The following DENND6A variants were observed in gnomAD, a reference collection of about 807,000 sequenced individuals.
DENND6A encodes the protein protein DENND6A.
In DENND6A, 43 loss-of-function variants were observed where a neutral mutation model predicts 95.5. The observed-to-expected ratio is 0.45, with a 90% CI of 0.35 to 0.58. The LOEUF is 0.58. DENND6A is among the 20% of genes least tolerant of loss of function. DENND6A has a pLI of 0.00. For synonymous variants in DENND6A, 257 were observed against 260.4 expected, an observed-to-expected ratio of 0.99 and a Z score of 0.13; for missense variants, 574 against 736.0, an observed-to-expected ratio of 0.78 and a Z score of 2.55.
chr3:57,644,856 A>G (rs2071043439), intron 11 of DENND6A, among the ~76,000 whole-genome samples: 1 of 144,350 alleles, frequency 6.9e-6, no homozygotes. Context: ...CAGGGCAATG[A>G]TATGCCCACT....
intron 1 of DENND6A, among the ~76,000 whole-genome samples, chr3:57,691,426 T>C (rs191589872): frequency 1.0e-3 from 158 of 152,320 alleles, no homozygotes; most frequent in African/African-American, 3.7e-3. Flanking sequence ...GGTTCTCCTC[T>C]AAATTATTGC....
intron 1 of DENND6A, among the ~76,000 whole-genome samples, chr3:57,691,843 G>A (rs1472194879): frequency 6.6e-6 from 1 of 152,104 alleles, no homozygotes; most frequent in East Asian, 1.9e-4. Flanking sequence ...ACATAAGAAT[G>A]GAAAAGTTGA....
In DENND6A at chr3:57,666,938, A is replaced by G. The variant is rs987642697; in HGVS notation, c.320-703T>C. On this transcript the variant is annotated intron_variant, in intron 3 of 19. Transcript: ENST00000311128. ...AAGATATAAAAGTTATGCTATGAGC[A>G]CCATAGCTTTCTGATGATTCACTGA... Among the ~76,000 whole-genome samples the G allele has an allele frequency of 1.8e-4, 28 of 152,398 alleles. No individual in the cohort carries two copies. The East Asian group carries it at 4.4e-3, about 24-fold the overall frequency.
At chr3:57,650,244 C>T (rs1372480152) in intron 9 of DENND6A, among the ~76,000 whole-genome samples, 2 of 151,670 alleles carry the variant, frequency 1.3e-5, no homozygotes, top group East Asian at 3.9e-4. Context: ...CACTAAAGAA[C>T]TTATTCATGC....
In DENND6A at chr3:57,692,870, C is replaced by G. The variant is rs754202945; in HGVS notation, c.149G>C (p.Arg50Pro). The change falls in exon 1 of 20, where the codon CGG becomes CCG. Residue 50 changes from arginine (R) to proline (P), a missense_variant. Arg to Pro is a moderately radical substitution (Grantham distance 103, BLOSUM62 -2). This residue lies in a region of DENND6A where 122 missense variants were observed against 105.1 expected (regional missense o/e 1.16). Transcript: ENST00000311128. ...EDDEEDDGRG[R>P]GLLRWDSFSA... ...GAAGCTGTCCCAGCGCAGCAGGCCCCGGCCACGGCCATCGTCCTCTTCATC... is the reference window on the plus strand; with the variant it reads ...GAAGCTGTCCCAGCGCAGCAGGCCCGGGCCACGGCCATCGTCCTCTTCATC... 7 of 1,585,050 alleles carry G rather than the reference C, an allele frequency of 4.4e-6. No homozygotes were observed. Among genetic ancestry groups the G allele is most frequent in the East Asian group, 2.4e-5 (1 of 41,988 alleles).
intron 1 of DENND6A, among the ~76,000 whole-genome samples, chr3:57,674,372 C>CAA (rs113228295): frequency 7.9e-6 from 1 of 127,046 alleles, no homozygotes. Flanking sequence ...GACCCCGTCT[C>CAA]AAAAAAAAAA....
chr3:57,661,931 T>C (rs988562420), intron 5 of DENND6A, among the ~76,000 whole-genome samples: 2 of 152,100 alleles, frequency 1.3e-5, no homozygotes, highest in South Asian at 4.1e-4. Context: ...AAAAGACTTA[T>C]GAGTTATATT....
chr3:57,687,516 T>C (rs1051280398), intron 1 of DENND6A, among the ~76,000 whole-genome samples: 6 of 152,176 alleles, frequency 3.9e-5, no homozygotes, highest in African/African-American at 1.4e-4. Flanking sequence ...AGAGAAAAGA[T>C]GAAGGTGGCT....
chr3:57,679,724 G>A, intron 1 of DENND6A: 1 of 212,246 alleles, frequency 4.7e-6, no homozygotes, highest in Non-Finnish European at 8.1e-6. Flanking sequence ...GGCAAGGTGA[G>A]CCTGAAGAAG....
intron 9 of DENND6A, among the ~76,000 whole-genome samples, chr3:57,649,208 C>T (rs567203734): frequency 2.0e-5 from 3 of 152,134 alleles, no homozygotes; most frequent in African/African-American, 4.8e-5. Context: ...CATGAATAGA[C>T]AATTCTCAAA....
At chr3:57,633,241 G>T in intron 15 of DENND6A, 24 bp downstream of exon 15, 1 of 1,573,096 alleles carries the variant, frequency 6.4e-7, no homozygotes, top group Non-Finnish European at 8.7e-7. Context: ...ATTAAATTAT[G>T]CAAAAATTTA....
intron 12 of DENND6A, among the ~76,000 whole-genome samples, chr3:57,640,547 C>T (rs1163726931): frequency 6.6e-6 from 1 of 152,166 alleles, no homozygotes; most frequent in Non-Finnish European, 1.5e-5. Context: ...CACTGTACTC[C>T]AGCCTGGGCA....
At chr3:57,665,285 G>C (rs1365167467) in intron 4 of DENND6A, among the ~76,000 whole-genome samples, 3 of 152,156 alleles carry the variant, frequency 2.0e-5, no homozygotes, top group African/African-American at 7.2e-5. Flanking sequence ...TGGCAACACT[G>C]TATAAGGTAT....
chr3:57,657,631 C>T (rs1260907593), intron 9 of DENND6A, 49 bp downstream of exon 9: 18 of 1,236,268 alleles, frequency 1.5e-5, no homozygotes, highest in Middle Eastern at 1.9e-4. Context: ...ATTAACACCA[C>T]CACCACAAAG....
intron 10 of DENND6A, among the ~76,000 whole-genome samples, chr3:57,646,057 C>T (rs1353392774): frequency 6.6e-6 from 1 of 152,194 alleles, no homozygotes; most frequent in Non-Finnish European, 1.5e-5. Flanking sequence ...CAAGGAACAA[C>T]TTCATGTAAT....
intron 17 of DENND6A, 53 bp from the exon 18 acceptor site, chr3:57,630,576 C>T: frequency 6.5e-7 from 1 of 1,538,382 alleles, no homozygotes; most frequent in Non-Finnish European, 8.8e-7. Flanking sequence ...TATTTCCTTT[C>T]CTCAATACCT....
rs1350524408 is a variant in DENND6A at position 57,628,278 on chromosome 3, T to C, written c.1763A>G (p.Asp588Gly). 6.2e-7 allele frequency: 1 copy of C among 1,614,066 alleles called. No individual in the cohort carries two copies. Among genetic ancestry groups the C allele is most frequent in the Non-Finnish European group, 8.5e-7 (1 of 1,180,038 alleles). The part of the protein sequence containing the change: ...DTMEKLRTHI[D>G]AIILALPEDL... ...CTCTGGCAATGCTAAGATAATGGCA[T>C]CTATGTGTGTCCGTAACTTTTCCAT... The change falls in exon 20 of 20, where the codon GAT becomes GGT. Residue 588 changes from aspartate (D) to glycine (G), a missense_variant. Asp to Gly is a moderately conservative substitution (Grantham distance 94, BLOSUM62 -1). This residue lies in a region of DENND6A where 452 missense variants were observed against 630.9 expected (regional missense o/e 0.72). Transcript: ENST00000311128.
intron 1 of DENND6A, among the ~76,000 whole-genome samples, chr3:57,684,792 T>G (rs2077197691): frequency 6.6e-6 from 1 of 151,998 alleles, no homozygotes; most frequent in South Asian, 2.1e-4. Context: ...AAATATTACT[T>G]AATAATTAGT....
chr3:57,683,638 A>G (rs539856433), intron 1 of DENND6A, among the ~76,000 whole-genome samples: 1 of 152,366 alleles, frequency 6.6e-6, no homozygotes, highest in Non-Finnish European at 1.5e-5. Flanking sequence ...ATTAGCATGT[A>G]AACAGGAACA....
Sources: allele counts gnomAD v4.1 joint callset (sites outside exome capture counted in the v4.1 genomes callset), GRCh38; gene constraint gnomAD v4.1.1; regional missense constraint gnomAD v4.1.1; transcripts MANE v1.5; gene names NCBI Gene and HGNC (gene_info 2026-07-23, HGNC 2026-07-21).